The following SIK3 variants were observed in gnomAD, a reference collection of about 807,000 sequenced individuals.
SIK3 encodes the protein serine/threonine-protein kinase SIK3.
A neutral mutation model predicts 144.2 loss-of-function variants in SIK3; 28 were observed. The observed-to-expected ratio is 0.19, with a 90% CI of 0.14 to 0.27. SIK3 has a LOEUF of 0.27. Among genes scored for constraint, SIK3 ranks in the 10% least tolerant of loss-of-function variants. The pLI, the probability that SIK3 is intolerant of heterozygous loss-of-function variation, is 1.00. For missense variants in SIK3, 1,319 were observed against 1,776.0 expected (o/e 0.74, Z 4.62); for synonymous variants, 686 against 676.3 (o/e 1.01, Z -0.22).
rs1955577772 is a variant in SIK3, at chr11:117,098,327, G to A, written c.89C>T (p.Pro30Leu). 4 of 1,156,316 alleles carry A rather than the reference G, an allele frequency of 3.5e-6. No homozygotes were observed. The South Asian group carries it at 1.7e-4, about 48-fold the overall frequency. 71.6% of individuals were successfully genotyped at this position (1,156,316 alleles called of 1,614,324 possible). The change falls in exon 1 of 25, where the codon CCC becomes CTC. Residue 30 changes from proline (P) to leucine (L), a missense_variant. By Grantham distance (98) the Pro-to-Leu change is moderately conservative. Coordinates refer to ENST00000445177, the MANE Select transcript of SIK3 (RefSeq NM_001366686.3). ...AGPAGRLLPP[P>L]APGSPAAPAA... ...GGGGGCGGCTGGGGACCCCGGCGCG[G>A]GCGGAGGCAGCAGGCGGCCCGCGGG...
At chr11:116,899,579 G>A (rs1257674159) in intron 4 of SIK3, among the ~76,000 whole-genome samples, 3 of 152,210 alleles carry the variant, frequency 2.0e-5, no homozygotes, top group African/African-American at 4.8e-5. Context: ...AAGCAAGAAT[G>A]CTTACATTTT....
intron 3 of SIK3, among the ~76,000 whole-genome samples, chr11:116,931,227 A>G (rs939643264): frequency 1.3e-5 from 2 of 152,212 alleles, no homozygotes; most frequent in South Asian, 2.1e-4. Context: ...TGAATTTTCT[A>G]AAGTATTAGA....
At chr11:117,046,287 A>G (rs1282371614) in intron 1 of SIK3, among the ~76,000 whole-genome samples, 1 of 152,194 alleles carries the variant, frequency 6.6e-6, no homozygotes, top group Non-Finnish European at 1.5e-5. Flanking sequence ...AAGCCAAACC[A>G]TGTATCTATG....
intron 1 of SIK3, among the ~76,000 whole-genome samples, chr11:117,010,746 AT>A (rs1280669037): frequency 2.0e-5 from 3 of 152,186 alleles, no homozygotes; most frequent in Non-Finnish European, 2.9e-5. Flanking sequence ...CCAAAAAATA[AT>A]TTTTTAAAGA....
chr11:117,084,472 G>T (rs918422754), intron 1 of SIK3, among the ~76,000 whole-genome samples: 3 of 152,036 alleles, frequency 2.0e-5, no homozygotes, highest in Non-Finnish European at 4.4e-5. Context: ...CACCAGGTTG[G>T]CCAGGCTGGT....
chr11:116,861,876 T>C lies in SIK3; in HGVS notation c.2280A>G (p.Glu760=). The change falls in exon 18 of 25, where the codon GAA becomes GAG. Residue 760 remains glutamate (E), a synonymous_variant. Coordinates refer to ENST00000445177, the MANE Select transcript of SIK3 (RefSeq NM_001366686.3). ...QPSPPLQAAC[E]NQPALLTHQL... ...GATGGGTAAGGAGGGCTGGCTGATT[T>C]TCACATGCAGCCTGAAGAGGTGGAG... 1 of 1,612,492 alleles carries C rather than the reference T, an allele frequency of 6.2e-7. No individual in the cohort carries two copies. Among genetic ancestry groups the C allele is most frequent in the South Asian group, 1.1e-5 (1 of 90,522 alleles).
At chr11:116,845,940 T>A (rs1941904503) in intron 24 of SIK3, among the ~76,000 whole-genome samples, 1 of 152,248 alleles carries the variant, frequency 6.6e-6, no homozygotes, top group Non-Finnish European at 1.5e-5. Flanking sequence ...TGGAATATCC[T>A]GCCACTTGCT....
intron 11 of SIK3, 107 bp from the exon 12 acceptor site, chr11:116,874,163 T>C (rs1944121686): frequency 2.6e-6 from 3 of 1,152,982 alleles, no homozygotes; most frequent in South Asian, 1.4e-5. Flanking sequence ...TTATTTTATT[T>C]TCTTCCTGAA....
intron 1 of SIK3, among the ~76,000 whole-genome samples, chr11:116,982,962 AAAAAAAAT>A (rs1487066822): frequency 5.3e-5 from 8 of 150,688 alleles, no homozygotes; most frequent in Non-Finnish European, 1.2e-4. Flanking sequence ...AAAAAAAAAA[AAAAAAAAT>A]TTCTGACCCG....
chr11:117,093,586 C>T (rs1955340654), intron 1 of SIK3, among the ~76,000 whole-genome samples: 1 of 151,316 alleles, frequency 6.6e-6, no homozygotes, highest in African/African-American at 2.4e-5. Flanking sequence ...AAATTAGTTA[C>T]ACAAAACACA....
intron 4 of SIK3, among the ~76,000 whole-genome samples, chr11:116,914,726 T>G (rs1214579584): frequency 6.6e-6 from 1 of 152,096 alleles, no homozygotes; most frequent in Non-Finnish European, 1.5e-5. Context: ...CTGAAGAAGG[T>G]TCTATCAACA....
rs961732910 is a variant in SIK3 at position 117,035,985 on chromosome 11, G to A, written c.273+62158C>T. The A allele has an allele frequency of 2.6e-5, 41 of 1,555,082 alleles. No individual in the cohort carries two copies. The Middle Eastern group carries it at 6.8e-4, about 26-fold the overall frequency. ...CAGGAATTGGGGCTCTGCACCAGGCGTTTCTTCTTGTGTTTCCTCTTCTCC... is the reference window on the plus strand; with the variant it reads ...CAGGAATTGGGGCTCTGCACCAGGCATTTCTTCTTGTGTTTCCTCTTCTCC... On this transcript the variant is annotated intron_variant, in intron 1 of 24. Transcript: ENST00000445177.
intron 1 of SIK3, among the ~76,000 whole-genome samples, chr11:117,046,770 C>T (rs1952983534): frequency 6.6e-6 from 1 of 152,088 alleles, no homozygotes; most frequent in Non-Finnish European, 1.5e-5. Flanking sequence ...GTCCCAGCTG[C>T]TCAGGAGGCT....
intron 4 of SIK3, among the ~76,000 whole-genome samples, chr11:116,897,656 C>T (rs192237272): frequency 2.8e-4 from 42 of 152,212 alleles, no homozygotes; most frequent in Non-Finnish European, 5.6e-4. Flanking sequence ...TTTGTGAGGC[C>T]GAGGTGGGCG....
At chr11:116,853,399 G>C (rs1942618893) in intron 21 of SIK3, among the ~76,000 whole-genome samples, 3 of 152,306 alleles carry the variant, frequency 2.0e-5, no homozygotes, top group African/African-American at 7.2e-5. Flanking sequence ...GTTCCCAAGA[G>C]CTACATGCTC....
intron 1 of SIK3, among the ~76,000 whole-genome samples, chr11:116,998,067 T>C (rs1950728266): frequency 6.6e-6 from 1 of 151,810 alleles, no homozygotes; most frequent in Non-Finnish European, 1.5e-5. Context: ...TTACCCAGGC[T>C]GGTCTCAAAC....
chr11:116,936,538 A>G (rs1170891172), intron 3 of SIK3, among the ~76,000 whole-genome samples: 1 of 152,140 alleles, frequency 6.6e-6, no homozygotes, highest in African/African-American at 2.4e-5. Context: ...CCCTATTACC[A>G]TCATCTAGAT....
At chr11:116,947,277 A>G (rs961758897) in intron 3 of SIK3, among the ~76,000 whole-genome samples, 1 of 120,668 alleles carries the variant, frequency 8.3e-6, no homozygotes, top group Non-Finnish European at 1.7e-5. Context: ...TATATATATA[A>G]AGTCAGAGAA....
intron 18 of SIK3, 139 bp from the exon 19 acceptor site, chr11:116,861,522 G>C (rs1052907921): frequency 1.5e-6 from 1 of 654,134 alleles, no homozygotes; most frequent in East Asian, 2.8e-5. Context: ...ATATACATAA[G>C]CCATCCACCA....
Sources: allele counts gnomAD v4.1 joint callset (sites outside exome capture counted in the v4.1 genomes callset), GRCh38; gene constraint gnomAD v4.1.1; transcripts MANE v1.5; gene names NCBI Gene and HGNC (gene_info 2026-07-23, HGNC 2026-07-21).